Variants in RSRC1 observed in about 807,000 individuals in gnomAD.
RSRC1 encodes arginine and serine rich coiled-coil 1.
A neutral mutation model predicts 49.1 loss-of-function variants in RSRC1; 39 were observed. The observed-to-expected ratio is 0.79, with a 90% CI of 0.61 to 1.04. The LOEUF (loss-of-function observed/expected upper bound fraction) is 1.04, where lower values mean the gene tolerates loss of function less well. Among genes scored for constraint, RSRC1 ranks in the 50% least tolerant of loss-of-function variants. RSRC1 has a pLI of 0.00. For missense variants in RSRC1, 388 were observed against 402.4 expected (o/e 0.96, Z 0.31); for synonymous variants, 143 against 130.8 (o/e 1.09, Z -0.63).
intron 3 of RSRC1, among the ~76,000 whole-genome samples, chr3:158,146,131 G>T (rs1559918054): frequency 6.6e-6 from 1 of 152,080 alleles, no homozygotes; most frequent in Non-Finnish European, 1.5e-5. Context: ...CCTTTCTCCT[G>T]CCTGATTGCC....
At chr3:158,374,079 T>C (rs529081460) in intron 6 of RSRC1, among the ~76,000 whole-genome samples, 1 of 152,238 alleles carries the variant, frequency 6.6e-6, no homozygotes, top group South Asian at 2.1e-4. Flanking sequence ...ACCAACTTTA[T>C]TATATGCACA....
At position 158,161,542 on chromosome 3, in the gene RSRC1, G is replaced by A. The variant is rs148979382; in HGVS notation, c.320+37551G>A. Reference sequence around the variant, plus strand: ...TTTGGGAGGCTGAGGCAGGTGGATCGTTTGAGGTCAGGAGTTTGAGACCAG... The same window carrying A: ...TTTGGGAGGCTGAGGCAGGTGGATCATTTGAGGTCAGGAGTTTGAGACCAG... On this transcript the variant is annotated intron_variant, in intron 3 of 9. Transcript: ENST00000611884. Among the ~76,000 whole-genome samples the A allele has an allele frequency of 8.9e-3, 1,350 of 152,130 alleles. 18 individuals carry two copies. The highest frequency in any genetic ancestry group is 0.031 in the African/African-American group (1,288 of 41,520).
chr3:158,280,971 T>G (rs1033134998), intron 4 of RSRC1, among the ~76,000 whole-genome samples: 1 of 152,036 alleles, frequency 6.6e-6, no homozygotes, highest in African/African-American at 2.4e-5. Context: ...TTTATAAGAT[T>G]AGACTGGCTG....
At chr3:158,353,745 A>C (rs1181791049) in intron 5 of RSRC1, among the ~76,000 whole-genome samples, 7 of 152,172 alleles carry the variant, frequency 4.6e-5, no homozygotes, top group Admixed American at 4.6e-4. Flanking sequence ...ATTCTAATAT[A>C]TCACATAAAT....
Position 158,203,100 on chromosome 3 carries a change from C to T in RSRC1, c.349C>T (p.His117Tyr), listed in dbSNP as rs767199174. 3.1e-6 allele frequency: 5 copies of T among 1,613,256 alleles called. No individual in the cohort carries two copies. Among genetic ancestry groups the T allele is most frequent in the Non-Finnish European group, 4.2e-6 (5 of 1,179,622 alleles). Residue 117 changes from histidine to tyrosine, a missense_variant, in exon 4 of 10, where the codon CAT becomes TAT. Physicochemically the swap from His to Tyr is moderately conservative, Grantham distance 83 (BLOSUM62 2). Coordinates refer to ENST00000611884, the MANE Select transcript of RSRC1 (RefSeq NM_001271838.2). ...CAGGTCAAGACCTCGTCTCCGTTCT[C>T]ATAGTCGTAGCAGTGAAAGGTCCAG... Reference protein sequence around the residue: ...RSRSRPRLRSHSRSSERSSHR... With the variant: ...RSRSRPRLRSYSRSSERSSHR...
intron 5 of RSRC1, among the ~76,000 whole-genome samples, chr3:158,348,812 C>G (rs1730707161): frequency 6.6e-6 from 1 of 152,044 alleles, no homozygotes; most frequent in South Asian, 2.1e-4. Flanking sequence ...TGTAGCTTGG[C>G]TTTCACTTAT....
chr3:158,376,236 G>C (rs1272295941), intron 6 of RSRC1, among the ~76,000 whole-genome samples: 1 of 131,026 alleles, frequency 7.6e-6, no homozygotes, highest in Non-Finnish European at 1.6e-5. Flanking sequence ...CTGTCACCCA[G>C]GCTGGAGTGC....
chr3:158,155,598 C>CTTTTTTTTTT (rs34972266), intron 3 of RSRC1, among the ~76,000 whole-genome samples: 2 of 133,958 alleles, frequency 1.5e-5, no homozygotes, highest in Non-Finnish European at 3.1e-5. Context: ...AGCCTAGCTA[C>CTTTTTTTTTT]TTTTTTTTTT....
At chr3:158,211,104 G>A (rs1721649522) in intron 4 of RSRC1, among the ~76,000 whole-genome samples, 1 of 151,930 alleles carries the variant, frequency 6.6e-6, no homozygotes, top group African/African-American at 2.4e-5. Flanking sequence ...TTCATTACAT[G>A]GTCTATAAAA....
chr3:158,125,864 A>G (rs913471748), intron 3 of RSRC1, among the ~76,000 whole-genome samples: 8 of 152,092 alleles, frequency 5.3e-5, no homozygotes, highest in Non-Finnish European at 1.5e-5. Context: ...GGCAATGTTT[A>G]CTTTATATAT....
At chr3:158,275,353 C>T (rs1044063574) in intron 4 of RSRC1, among the ~76,000 whole-genome samples, 18 of 152,054 alleles carry the variant, frequency 1.2e-4, no homozygotes, top group African/African-American at 4.1e-4. Flanking sequence ...TTAAGATGTC[C>T]TCCTCCCACC....
In RSRC1 at chr3:158,229,283, CAT is replaced by C. The variant is rs770241943; in HGVS notation, c.494+26040_494+26041del. On this transcript the variant is annotated intron_variant, in intron 4 of 9. Coordinates refer to ENST00000611884, the MANE Select transcript of RSRC1 (RefSeq NM_001271838.2). ...GTATATGTGTATGTATGTATATAAA[CAT>C]ACACACACGTATATGTGTATGTATG... Among the ~76,000 whole-genome samples, 27 of 87,016 alleles carry C rather than the reference CAT, an allele frequency of 3.1e-4. 4 individuals carry two copies. Among genetic ancestry groups the C allele is most frequent in the South Asian group, 3.0e-3 (10 of 3,312 alleles). The allele number at this position is 87,016 out of a possible 152,430, so 57.1% of individuals were successfully genotyped here.
chr3:158,200,854 A>G (rs1292480132), intron 3 of RSRC1, among the ~76,000 whole-genome samples: 4 of 152,122 alleles, frequency 2.6e-5, no homozygotes, highest in Non-Finnish European at 5.9e-5. Context: ...GTAAAATGCT[A>G]TTATTTTTAC....
At chr3:158,178,304 A>C (rs1035566559) in intron 3 of RSRC1, among the ~76,000 whole-genome samples, 15 of 151,940 alleles carry the variant, frequency 9.9e-5, no homozygotes, top group African/African-American at 3.6e-4. Flanking sequence ...ACGCCCAGCA[A>C]ATTTTTGTAT....
chr3:158,125,590 T>A (rs187026607), intron 3 of RSRC1, among the ~76,000 whole-genome samples: 1 of 152,334 alleles, frequency 6.6e-6, no homozygotes. Flanking sequence ...AGATACTTGC[T>A]ATGATTTCGG....
In RSRC1 at chr3:158,532,596, C is replaced by A. The variant is rs528517275; in HGVS notation, c.653-4496C>A. Among the ~76,000 whole-genome samples, 44 of 151,776 alleles carry A rather than the reference C, an allele frequency of 2.9e-4. No homozygotes were observed. In the South Asian group the frequency reaches 8.9e-3, roughly 31 times the overall value. On this transcript the variant is annotated intron_variant, in intron 7 of 9. Coordinates refer to ENST00000611884, the MANE Select transcript of RSRC1 (RefSeq NM_001271838.2). ...ACAATTTTTTAAAAATTTTTCATCA[C>A]AAAAGGAAAGTGATTTTCTATACTT...
intron 7 of RSRC1, among the ~76,000 whole-genome samples, chr3:158,498,116 G>A (rs1053011154): frequency 6.6e-6 from 1 of 152,068 alleles, no homozygotes; most frequent in African/African-American, 2.4e-5. Context: ...TCAAATGGTA[G>A]TTCTACCTTT....
At chr3:158,202,162 G>A (rs1293018937) in intron 3 of RSRC1, among the ~76,000 whole-genome samples, 2 of 151,974 alleles carry the variant, frequency 1.3e-5, no homozygotes, top group East Asian at 3.9e-4. Flanking sequence ...TTACAGGCAT[G>A]TGCCACCACG....
intron 6 of RSRC1, among the ~76,000 whole-genome samples, chr3:158,381,580 C>G (rs1030722199): frequency 6.6e-6 from 1 of 152,184 alleles, no homozygotes; most frequent in African/African-American, 2.4e-5. Flanking sequence ...GTGCAAACAT[C>G]ATAGAGTGTA....
Sources: allele counts gnomAD v4.1 joint callset (sites outside exome capture counted in the v4.1 genomes callset), GRCh38; gene constraint gnomAD v4.1.1; transcripts MANE v1.5; gene names NCBI Gene and HGNC (gene_info 2026-07-23, HGNC 2026-07-21).